The following YAF2 variants were observed in gnomAD, a reference collection of about 807,000 sequenced individuals.
The protein encoded by YAF2 is YY1-associated factor 2.
In YAF2, 7 loss-of-function variants were observed where a neutral mutation model predicts 20.1. The ratio of observed to expected loss-of-function variants is 0.35; its 90% CI spans 0.20 to 0.65. The LOEUF (loss-of-function observed/expected upper bound fraction) is 0.65, where lower values mean the gene tolerates loss of function less well. YAF2 is among the 30% of genes least tolerant of loss of function. The probability of loss-of-function intolerance (pLI) is 0.69; values close to 1 mark genes in which losing one functional copy is unlikely to be tolerated. For missense variants in YAF2, 151 were observed against 219.2 expected, an observed-to-expected ratio of 0.69 and a Z score of 1.96; for synonymous variants, 74 against 76.0, an observed-to-expected ratio of 0.97 and a Z score of 0.14.
chr12:42,164,170 C>A (rs1029957473), intron 2 of YAF2, among the ~76,000 whole-genome samples: 10 of 152,218 alleles, frequency 6.6e-5, no homozygotes, highest in Non-Finnish European at 1.3e-4. Flanking sequence ...TACTTATTCA[C>A]ATATGCCATG....
At chr12:42,225,954 A>G (rs2067680164) in intron 2 of YAF2, among the ~76,000 whole-genome samples, 1 of 152,226 alleles carries the variant, frequency 6.6e-6, no homozygotes, top group African/African-American at 2.4e-5. Flanking sequence ...CTGAATCTAT[A>G]AATTACTTTG....
At chr12:42,237,413 T>G in intron 2 of YAF2, 186 bp downstream of exon 2, 1 of 1,292,788 alleles carries the variant, frequency 7.7e-7, no homozygotes, top group Non-Finnish European at 9.8e-7. Context: ...CCTCTTCAAT[T>G]ACCCCTCACC....
At chr12:42,194,441 C>T (rs558181400) in intron 2 of YAF2, among the ~76,000 whole-genome samples, 3 of 151,982 alleles carry the variant, frequency 2.0e-5, no homozygotes, top group Non-Finnish European at 4.4e-5. Context: ...GTCAGGAGTT[C>T]GAGACCAGTC....
At chr12:42,218,810 G>A (rs1329510164) in intron 2 of YAF2, among the ~76,000 whole-genome samples, 1 of 151,834 alleles carries the variant, frequency 6.6e-6, no homozygotes, top group Non-Finnish European at 1.5e-5. Flanking sequence ...ATGTAGCTCT[G>A]AGCCTTACTA....
intron 2 of YAF2, chr12:42,236,001 C>T: frequency 6.5e-7 from 1 of 1,536,036 alleles, no homozygotes; most frequent in Non-Finnish European, 8.7e-7. Flanking sequence ...GCTGTCCCTG[C>T]AAATAAACAT....
At chr12:42,199,058 T>C in intron 2 of YAF2, 1 of 738,008 alleles carries the variant, frequency 1.4e-6, no homozygotes, top group Non-Finnish European at 1.9e-6. Flanking sequence ...TTAATATTGT[T>C]TGTTCCTTTA....
chr12:42,178,819 A>AG (rs1249295863), intron 2 of YAF2, among the ~76,000 whole-genome samples: 4 of 152,140 alleles, frequency 2.6e-5, no homozygotes, highest in Non-Finnish European at 4.4e-5. Flanking sequence ...CTAATCTTTT[A>AG]TTAAGAACCA....
At chr12:42,207,900 A>G (rs1342362492) in intron 2 of YAF2, among the ~76,000 whole-genome samples, 2 of 151,884 alleles carry the variant, frequency 1.3e-5, no homozygotes, top group Non-Finnish European at 2.9e-5. Flanking sequence ...CAAAAAGACA[A>G]ACAAAAAACT....
At chr12:42,169,574 G>A (rs923958899) in intron 2 of YAF2, among the ~76,000 whole-genome samples, 5 of 151,022 alleles carry the variant, frequency 3.3e-5, no homozygotes, top group East Asian at 2.0e-4. Flanking sequence ...CCACCACACC[G>A]GGCTAATTTT....
chr12:42,181,086 C>G (rs1410473504), intron 2 of YAF2, among the ~76,000 whole-genome samples: 1 of 152,206 alleles, frequency 6.6e-6, no homozygotes, highest in Non-Finnish European at 1.5e-5. Context: ...TTATGGCACT[C>G]AGTTAATTCA....
At chr12:42,217,315 A>G (rs1224619305) in intron 2 of YAF2, among the ~76,000 whole-genome samples, 2 of 152,190 alleles carry the variant, frequency 1.3e-5, no homozygotes, top group Non-Finnish European at 2.9e-5. Context: ...CAGTTTACAA[A>G]TACACTTTTA....
At chr12:42,226,072 C>G (rs1267230923) in intron 2 of YAF2, among the ~76,000 whole-genome samples, 2 of 152,096 alleles carry the variant, frequency 1.3e-5, no homozygotes, top group South Asian at 2.1e-4. Flanking sequence ...GTTTGTAGTT[C>G]TCCTTGAAGA....
Position 42,160,466 on chromosome 12 carries a change from T to G in YAF2, c.*123A>C. 1.3e-6 allele frequency: 1 copy of G among 751,110 alleles called. No individual in the cohort carries two copies. The highest frequency in any genetic ancestry group is 2.2e-6 in the Non-Finnish European group (1 of 462,994). 46.5% of individuals were successfully genotyped at this position (751,110 alleles called of 1,614,324 possible). ...CAAATTCTAACAAATTTCTATTTTA[T>G]GTAAAACTCAAATTATGGATTGTGC... On this transcript the variant is annotated 3_prime_UTR_variant, in exon 4 of 4. Transcript: ENST00000534854.
chr12:42,235,807 T>C, intron 2 of YAF2: 5 of 1,536,108 alleles, frequency 3.3e-6, no homozygotes, highest in Non-Finnish European at 4.4e-6. Flanking sequence ...CAAGCCTCTT[T>C]TAAACTAGGC....
chr12:42,237,943 CA>C, intron 1 of YAF2: 2 of 438,858 alleles, frequency 4.6e-6, no homozygotes, highest in South Asian at 2.1e-4. Context: ...GCCGCTCTGA[CA>C]CCCGGGCGGC....
intron 3 of YAF2, 24 bp downstream of exon 3, chr12:42,161,589 T>C (rs755047598): frequency 5.1e-6 from 8 of 1,554,458 alleles, no homozygotes; most frequent in Non-Finnish European, 6.9e-6. Flanking sequence ...TTCAAAAATG[T>C]CATAAAACAC....
At chr12:42,175,772 T>TAAAAAAAAAAAAA (rs1277338221) in intron 2 of YAF2, among the ~76,000 whole-genome samples, 28 of 88,896 alleles carry the variant, frequency 3.1e-4, no homozygotes, top group Non-Finnish European at 4.4e-4. Flanking sequence ...AAAAAAAAAT[T>TAAAAAAAAAAAAA]AAAACAGGAA....
intron 2 of YAF2, among the ~76,000 whole-genome samples, chr12:42,196,597 G>T (rs912288341): frequency 6.6e-6 from 1 of 152,116 alleles, no homozygotes; most frequent in Non-Finnish European, 1.5e-5. Context: ...GTAATAAAAA[G>T]GAATAAAGAG....
intron 2 of YAF2, chr12:42,231,524 T>A (rs1488869065): frequency 6.6e-6 from 1 of 152,202 alleles, no homozygotes; most frequent in Non-Finnish European, 1.5e-5. Context: ...TTCTCAAAGG[T>A]TAGTTGCAAT....
Sources: gnomAD v4.1 joint callset for allele counts (sites outside exome capture counted in the v4.1 genomes callset) on GRCh38, gnomAD v4.1.1 for gene constraint, MANE v1.5 for transcripts, NCBI Gene and HGNC (gene_info 2026-07-23, HGNC 2026-07-21) for gene names.